The following CREBBP variants were observed in gnomAD, a reference collection of about 807,000 sequenced individuals.
The protein encoded by CREBBP is CREB-binding protein.
In CREBBP, 19 loss-of-function variants were observed where a neutral mutation model predicts 265.0. The ratio of observed to expected loss-of-function variants is 0.07; its 90% confidence interval spans 0.05 to 0.11. CREBBP has a LOEUF of 0.11. Ranked by LOEUF, CREBBP falls within the 10% of genes least tolerant of loss-of-function variation. CREBBP has a pLI of 1.00. For synonymous variants in CREBBP, 1,457 were observed against 1,223.7 expected (o/e 1.19, Z -3.98); for missense variants, 2,525 against 3,219.0 (o/e 0.78, Z 5.22).
intron 2 of CREBBP, among the ~76,000 whole-genome samples, chr16:3,819,893 C>T (rs1350150457): frequency 6.6e-6 from 1 of 152,208 alleles, no homozygotes; most frequent in Non-Finnish European, 1.5e-5. Context: ...GCAACTACCA[C>T]TCATAAGCCA....
At chr16:3,818,914 T>C (rs1296396540) in intron 2 of CREBBP, among the ~76,000 whole-genome samples, 1 of 152,204 alleles carries the variant, frequency 6.6e-6, no homozygotes, top group African/African-American at 2.4e-5. Flanking sequence ...ACACACTAAA[T>C]CAGCCTGAGA....
intron 2 of CREBBP, among the ~76,000 whole-genome samples, chr16:3,824,917 T>A (rs941024831): frequency 3.3e-5 from 5 of 152,314 alleles, no homozygotes; most frequent in East Asian, 1.9e-4. Context: ...TGTTTGCCAT[T>A]CACGCAGGGC....
intron 5 of CREBBP, among the ~76,000 whole-genome samples, chr16:3,785,628 T>C (rs777983332): frequency 2.0e-5 from 3 of 152,222 alleles, no homozygotes; most frequent in African/African-American, 7.2e-5. Context: ...GCGCAGCCCA[T>C]GGAGTGTCTT....
chr16:3,732,270 G>A (rs4785939), intron 28 of CREBBP, among the ~76,000 whole-genome samples: 1 of 152,212 alleles, frequency 6.6e-6, no homozygotes, highest in East Asian at 1.9e-4. Context: ...AAGATTCCAC[G>A]TCACAACTGT....
chr16:3,735,794 T>A (rs1418867250), intron 28 of CREBBP, among the ~76,000 whole-genome samples: 1 of 152,184 alleles, frequency 6.6e-6, no homozygotes, highest in Non-Finnish European at 1.5e-5. Flanking sequence ...ATTTTCTGTC[T>A]TCCTCTCTTC....
Position 3,749,015 on chromosome 16 carries a change from T to C in CREBBP, c.3836+612A>G, listed in dbSNP as rs1463678310. Among the ~76,000 whole-genome samples, 5 of 152,118 alleles carry C rather than the reference T, an allele frequency of 3.3e-5. No homozygotes were observed. In the East Asian group the frequency reaches 5.8e-4, roughly 18 times the overall value. ...ACAAAAAATTAGCCAGGCGTGGTGG[T>C]GGGCGCCTGTAGTCCCAGCTACTCG... On this transcript the variant is annotated intron_variant, in intron 21 of 30. Transcript: ENST00000262367.
chr16:3,781,064 A>G, intron 7 of CREBBP, 140 bp downstream of exon 7: 2 of 1,044,006 alleles, frequency 1.9e-6, no homozygotes, highest in Non-Finnish European at 2.9e-6. Context: ...TAATTAAAGA[A>G]AAAAAGGAAA....
intron 1 of CREBBP, among the ~76,000 whole-genome samples, chr16:3,863,807 G>A (rs1323670352): frequency 6.6e-6 from 1 of 152,140 alleles, no homozygotes; most frequent in African/African-American, 2.4e-5. Flanking sequence ...GCCCTGAAGG[G>A]TGGGGACAAG....
chr16:3,841,389 A>C (rs2054564149), intron 2 of CREBBP, among the ~76,000 whole-genome samples: 1 of 152,102 alleles, frequency 6.6e-6, no homozygotes, highest in Non-Finnish European at 1.5e-5. Context: ...TAATAAGAAA[A>C]ATTTGGGTTG....
chr16:3,801,405 C>T (rs770199995), intron 3 of CREBBP, among the ~76,000 whole-genome samples: 4 of 152,196 alleles, frequency 2.6e-5, no homozygotes, highest in African/African-American at 4.8e-5. Context: ...TGCAGCAGCT[C>T]ACACCTGTAA....
chr16:3,862,456 T>C (rs768292129), intron 1 of CREBBP, among the ~76,000 whole-genome samples: 3 of 152,184 alleles, frequency 2.0e-5, no homozygotes, highest in Non-Finnish European at 4.4e-5. Flanking sequence ...TCTCGGGTTA[T>C]TAAATTTGGG....
chr16:3,790,457 C>A (rs2053481837), intron 5 of CREBBP, among the ~76,000 whole-genome samples: 1 of 148,146 alleles, frequency 6.8e-6, no homozygotes, highest in Admixed American at 6.9e-5. Flanking sequence ...TCACCGCAAC[C>A]TCCACCTCCC....
At position 3,727,644 on chromosome 16, in the gene CREBBP, A is replaced by G; in HGVS notation, c.*74T>C. 2.5e-6 allele frequency: 4 copies of G among 1,612,772 alleles called. No homozygotes were observed. In the South Asian group the frequency reaches 4.4e-5, roughly 18 times the overall value. The stretch of plus-strand genomic sequence containing the variant: ...GTCGCAGTTCCATCTAGGAATAAAA[A>G]GAACCTAGATGCCTGGATTTTCAGT... On this transcript the variant is annotated 3_prime_UTR_variant, in exon 31 of 31. Transcript: ENST00000262367.
Position 3,729,124 on chromosome 16 carries a change from C to A in CREBBP, c.5923G>T (p.Val1975Leu). 1.3e-6 allele frequency: 2 copies of A among 1,577,236 alleles called. No individual in the cohort carries two copies. The highest frequency in any genetic ancestry group is 1.7e-6 in the Non-Finnish European group (2 of 1,167,994). The change falls in exon 31 of 31, where the codon GTG becomes TTG. Residue 1975 changes from valine to leucine, a missense_variant. Val to Leu is a conservative substitution (Grantham distance 32, BLOSUM62 1). Coordinates refer to ENST00000262367, the MANE Select transcript of CREBBP (RefSeq NM_004380.3). The stretch of plus-strand genomic sequence containing the variant: ...GGGGGCATGCTGTTGTTGATGTTCA[C>A]CCGGTACAGGTGCTGCTGCTGCTGG... ...EAQQQQHLYR[V>L]NINNSMPPGR... is the part of the protein sequence containing the mutation.
intron 28 of CREBBP, 136 bp from the exon 29 acceptor site, chr16:3,732,073 G>T: frequency 1.3e-6 from 2 of 1,500,426 alleles, no homozygotes; most frequent in Non-Finnish European, 1.8e-6. Context: ...ATACGTGAAC[G>T]GCTACAGGTG....
intron 20 of CREBBP, among the ~76,000 whole-genome samples, chr16:3,751,377 T>G (rs891433135): frequency 6.6e-6 from 1 of 152,136 alleles, no homozygotes; most frequent in Non-Finnish European, 1.5e-5. Flanking sequence ...TGTGCTTCAG[T>G]CTAGGAGTTT....
In CREBBP at chr16:3,849,419, GTGTGTGTGTGTGT is replaced by G. The variant is rs2054743062; in HGVS notation, c.798+865_798+877del. Among the ~76,000 whole-genome samples the G allele has an allele frequency of 1.4e-3, 11 of 7,742 alleles. 1 individual carries two copies. Among genetic ancestry groups the G allele is most frequent in the Admixed American group, 4.6e-3 (2 of 434 alleles). The allele number at this position is 7,742 out of a possible 152,430, so 5.1% of individuals were successfully genotyped here. A position where few individuals can be genotyped will look rare whatever the true frequency, so the allele number is the denominator to read the frequency against. ...TGTGTGTGTGTGTGTGTGTGTGTGT[GTGTGTGTGTGTGT>G]GTGTGTGTGTGTGTGTGTGTGTGTG... On this transcript the variant is annotated intron_variant, in intron 2 of 30. Transcript: ENST00000262367.
chr16:3,805,864 C>A (rs1440016615), intron 3 of CREBBP, among the ~76,000 whole-genome samples: 1 of 152,106 alleles, frequency 6.6e-6, no homozygotes, highest in African/African-American at 2.4e-5. Context: ...CGAGTTCCAG[C>A]AGAACACAAA....
At chr16:3,746,953 CA>C (rs2052356747) in intron 21 of CREBBP, among the ~76,000 whole-genome samples, 1 of 152,024 alleles carries the variant, frequency 6.6e-6, no homozygotes, top group South Asian at 2.1e-4. Context: ...TCAAAAACAA[CA>C]AACAAAATCC....
Sources: allele counts gnomAD v4.1 joint callset (sites outside exome capture counted in the v4.1 genomes callset), GRCh38; gene constraint gnomAD v4.1.1; transcripts MANE v1.5; gene names NCBI Gene and HGNC (gene_info 2026-07-23, HGNC 2026-07-21).